Variants in CD96 observed in about 807,000 individuals in gnomAD.
The protein encoded by CD96 is T-cell surface protein tactile.
CD96 carries 70 observed loss-of-function variants against 71.3 expected under a neutral mutation model. The observed-to-expected ratio is 0.98, with a 90% CI of 0.81 to 1.20. The LOEUF (loss-of-function observed/expected upper bound fraction) is 1.20, where lower values mean the gene tolerates loss of function less well. CD96 is among the 50% of genes most tolerant of loss of function. The pLI is 0.00. For synonymous variants in CD96, 248 were observed against 233.0 expected (o/e 1.06, Z -0.59); for missense variants, 742 against 677.5 (o/e 1.10, Z -1.06).
chr3:111,662,078 C>T (rs1411676941), intron 14 of CD96, among the ~76,000 whole-genome samples: 1 of 152,234 alleles, frequency 6.6e-6, no homozygotes, highest in Non-Finnish European at 1.5e-5. Flanking sequence ...ACCTTCTACG[C>T]ACCTGCAGGT....
chr3:111,595,060 G>A lies in CD96; in HGVS notation c.808-3060G>A, dbSNP rs189966988. 1.8e-5 allele frequency: 3 copies of A among 167,152 alleles called. No individual in the cohort carries two copies. The Admixed American group carries it at 2.0e-4, about 11-fold the overall frequency. The allele number at this position is 167,152 out of a possible 1,614,324, so 10.4% of individuals were successfully genotyped here. A position where few individuals can be genotyped will look rare whatever the true frequency, so the allele number is the denominator to read the frequency against. ...TCACCATACTCCACCTTCTCCACCA[G>A]GATCACCTGCAAAGCCAACAGCCAA... On this transcript the variant is annotated intron_variant, in intron 5 of 13. Coordinates refer to ENST00000352690, the MANE Select transcript of CD96 (RefSeq NM_005816.5).
At chr3:111,647,244 AAG>A (rs1939873446) in intron 12 of CD96, among the ~76,000 whole-genome samples, 1 of 152,080 alleles carries the variant, frequency 6.6e-6, no homozygotes, top group South Asian at 2.1e-4. Context: ...AAAAAAGAAA[AAG>A]AAATCATGGA....
At chr3:111,601,352 G>A (rs1042288760) in intron 7 of CD96, among the ~76,000 whole-genome samples, 2 of 152,068 alleles carry the variant, frequency 1.3e-5, no homozygotes, top group Non-Finnish European at 2.9e-5. Context: ...GATAAAATGT[G>A]TACAATAAAA....
chr3:111,624,511 G>A (rs1264766410), intron 10 of CD96, 107 bp downstream of exon 10: 11 of 763,526 alleles, frequency 1.4e-5, no homozygotes, highest in Non-Finnish European at 2.6e-5. Flanking sequence ...ATTTGCAAAT[G>A]TTCACAAAGC....
intron 4 of CD96, among the ~76,000 whole-genome samples, chr3:111,583,145 A>G (rs1224474977): frequency 6.6e-6 from 1 of 152,248 alleles, no homozygotes; most frequent in Admixed American, 6.5e-5. Context: ...AAATTGGCCA[A>G]AACAAAGGGG....
intron 10 of CD96, among the ~76,000 whole-genome samples, chr3:111,633,465 AG>A (rs1218246328): frequency 1.3e-5 from 2 of 152,240 alleles, no homozygotes; most frequent in East Asian, 3.8e-4. Context: ...TGGCACCTAT[AG>A]ACTTGCTTGA....
Position 111,658,360 on chromosome 3 carries a change from GAC to G in CD96, c.*53-7165_*53-7164del, listed in dbSNP as rs1260848267. 2.0e-5 allele frequency among the ~76,000 whole-genome samples: 3 copies of G among 152,308 alleles called. No homozygotes were observed. In the East Asian group the frequency reaches 5.8e-4, roughly 29 times the overall value. On this transcript the variant is annotated intron_variant and NMD_transcript_variant, in intron 14 of 14. Coordinates refer to the CD96 transcript ENST00000494798. ...ATAGGTAGATAGGTAGTCAGAGAGA[GAC>G]AGAGAGAGAAAGGAGGGCTCTCACC... is the stretch of plus-strand genomic sequence containing the variant.
intron 12 of CD96, among the ~76,000 whole-genome samples, chr3:111,641,459 C>A (rs969282857): frequency 2.0e-5 from 3 of 152,170 alleles, no homozygotes; most frequent in Non-Finnish European, 4.4e-5. Flanking sequence ...CAATTCTAAA[C>A]ATACATCCAC....
rs958588388 is a variant in CD96 at position 111,649,871 on chromosome 3, C to T, written c.*65C>T. On this transcript the variant is annotated 3_prime_UTR_variant, in exon 14 of 14. Coordinates refer to ENST00000352690, the MANE Select transcript of CD96 (RefSeq NM_005816.5). ...TCCTATTGAGAAGGTAGACATTGTG[C>T]TTTATTAATATAGTCGCTCTTCAGC... 1.9e-6 allele frequency: 2 copies of T among 1,038,528 alleles called. No individual in the cohort carries two copies. Among genetic ancestry groups the T allele is most frequent in the African/African-American group, 3.1e-5 (2 of 63,758 alleles). 64.3% of individuals were successfully genotyped at this position (1,038,528 alleles called of 1,614,324 possible).
chr3:111,573,857 G>GT (rs1324916335), intron 3 of CD96, among the ~76,000 whole-genome samples: 5 of 152,140 alleles, frequency 3.3e-5, no homozygotes, highest in Admixed American at 2.6e-4. Context: ...AAACAAAACT[G>GT]TAACCTCTTA....
chr3:111,546,928 A>ACACACACACACACACACACACC (rs1934437309), intron 2 of CD96, among the ~76,000 whole-genome samples: 1 of 151,220 alleles, frequency 6.6e-6, no homozygotes, highest in Non-Finnish European at 1.5e-5. Context: ...ATACACACAC[A>ACACACACACACACACACACACC]CACACACACA....
In CD96 at chr3:111,600,910, C is replaced by A. The variant is rs1291328931; in HGVS notation, c.1083C>A (p.Leu361=). The part of the protein sequence containing the change: ...WNISSEKITF[L]LGSEISSTDP... ...TCTCATCAGAAAAGATCACTTTTCT[C>A]TTAGGTGAGTTGTCTATTTAATAAG... The change falls in exon 7 of 14, where the codon CTC becomes CTA. Residue 361 remains leucine, a synonymous_variant. Coordinates refer to ENST00000352690, the MANE Select transcript of CD96 (RefSeq NM_005816.5). 1.3e-5 allele frequency: 21 copies of A among 1,593,022 alleles called. No individual in the cohort carries two copies. The highest frequency in any genetic ancestry group is 1.8e-5 in the Non-Finnish European group (21 of 1,161,096).
chr3:111,587,445 C>T (rs184281727), intron 5 of CD96, among the ~76,000 whole-genome samples: 29 of 152,322 alleles, frequency 1.9e-4, no homozygotes, highest in Non-Finnish European at 3.8e-4. Context: ...CAGCCTCCCT[C>T]CTGGCTGCTT....
chr3:111,619,486 T>C (rs1513327), intron 8 of CD96, among the ~76,000 whole-genome samples: 145,601 of 152,274 alleles, frequency 0.96, 69,650 homozygotes, highest in Admixed American at 0.97. Flanking sequence ...AATAAACATT[T>C]ACATTGAAGA....
At chr3:111,587,009 C>T (rs6798023) in intron 5 of CD96, among the ~76,000 whole-genome samples, 13,560 of 152,132 alleles carry the variant, frequency 0.089, 722 homozygotes, top group Non-Finnish European at 0.12. Flanking sequence ...GCCTATGAAC[C>T]TGTAAAATCA....
intron 5 of CD96, chr3:111,592,927 A>C (rs1192114753): frequency 6.6e-6 from 1 of 152,258 alleles, no homozygotes; most frequent in Non-Finnish European, 1.5e-5. Flanking sequence ...TAATATAAGC[A>C]AGAAAATACA....
At chr3:111,565,401 T>C (rs1935659603) in intron 2 of CD96, among the ~76,000 whole-genome samples, 1 of 152,172 alleles carries the variant, frequency 6.6e-6, no homozygotes, top group Admixed American at 6.5e-5. Flanking sequence ...CCACTTATAC[T>C]GCCAGCTTCC....
At chr3:111,625,632 T>G (rs1183337895) in intron 10 of CD96, among the ~76,000 whole-genome samples, 3 of 152,116 alleles carry the variant, frequency 2.0e-5, no homozygotes, top group Admixed American at 1.3e-4. Context: ...TCTATATAGT[T>G]TAAGATCTTT....
At chr3:111,586,656 T>C (rs2107606316) in intron 5 of CD96, among the ~76,000 whole-genome samples, 1 of 152,298 alleles carries the variant, frequency 6.6e-6, no homozygotes, top group East Asian at 1.9e-4. Flanking sequence ...CTTACATGGA[T>C]GGCAGAGGGC....
Sources: gnomAD v4.1 joint callset for allele counts (sites outside exome capture counted in the v4.1 genomes callset) on GRCh38, gnomAD v4.1.1 for gene constraint, MANE v1.5 for transcripts, NCBI Gene and HGNC (gene_info 2026-07-23, HGNC 2026-07-21) for gene names.